SLC38A4: variants seen among roughly 807,000 people sequenced by gnomAD.
SLC38A4 encodes the protein solute carrier family 38 member 4, also known as sodium-coupled neutral amino acid transporter 4.
In SLC38A4, 20 loss-of-function variants were observed where a neutral mutation model predicts 63.1. That is an observed-to-expected ratio of 0.32 (90% confidence interval 0.22 to 0.46). The LOEUF (loss-of-function observed/expected upper bound fraction) is 0.46. Among genes scored for constraint, SLC38A4 ranks in the 20% least tolerant of loss-of-function variants. The pLI, the probability that SLC38A4 is intolerant of heterozygous loss-of-function variation, is 1.00. For synonymous variants in SLC38A4, 230 were observed against 225.5 expected (o/e 1.02, Z -0.18); for missense variants, 526 against 663.6 (o/e 0.79, Z 2.28).
rs76142795 is a variant in SLC38A4, at chr12:46,788,665, A to G, written c.120-47T>C. 4,910 of 1,481,470 alleles carry G rather than the reference A, an allele frequency of 3.3e-3. 138 individuals carry two copies. In the African/African-American group the frequency reaches 0.062, roughly 19 times the overall value. The allele number at this position is 1,481,470 out of a possible 1,614,324, so 91.8% of individuals were successfully genotyped here. A position where few individuals can be genotyped will look rare whatever the true frequency, so the allele number is the denominator to read the frequency against. ...TAAGAAAGTGAAAACATCTAAATAT[A>G]TGCTCTGAATCATATGTATGTTTCA... On this transcript the variant is annotated intron_variant, in intron 3 of 16. Transcript: ENST00000266579.
chr12:46,804,626 T>C (rs951753105), intron 1 of SLC38A4, among the ~76,000 whole-genome samples: 1 of 152,060 alleles, frequency 6.6e-6, no homozygotes, highest in Non-Finnish European at 1.5e-5. Flanking sequence ...TCGAGTAAGA[T>C]ATTCTTAAGT....
intron 2 of SLC38A4, among the ~76,000 whole-genome samples, chr12:46,802,704 A>C (rs1167620987): frequency 6.6e-6 from 1 of 152,014 alleles, no homozygotes; most frequent in East Asian, 1.9e-4. Context: ...CTTTGTCAAA[A>C]CTAAAACTTT....
upstream of SLC38A4, among the ~76,000 whole-genome samples, chr12:46,826,977 A>G (rs1360029035): frequency 6.6e-6 from 1 of 152,260 alleles, no homozygotes; most frequent in African/African-American, 2.4e-5. Flanking sequence ...TTCAACAAAC[A>G]TGTACCAGTG....
intron 2 of SLC38A4, among the ~76,000 whole-genome samples, chr12:46,794,143 T>A (rs908062218): frequency 1.2e-4 from 19 of 152,100 alleles, no homozygotes; most frequent in Non-Finnish European, 2.4e-4. Flanking sequence ...GCAGAGAAAC[T>A]AACATAAAAA....
intron 3 of SLC38A4, among the ~76,000 whole-genome samples, chr12:46,791,736 G>GT (rs761927676): frequency 6.6e-6 from 1 of 152,156 alleles, no homozygotes; most frequent in Non-Finnish European, 1.5e-5. Flanking sequence ...TAGTAGTGGC[G>GT]TAATTAACAT....
At chr12:46,798,302 G>C (rs1939058589) in intron 2 of SLC38A4, among the ~76,000 whole-genome samples, 2 of 152,038 alleles carry the variant, frequency 1.3e-5, no homozygotes, top group South Asian at 4.1e-4. Flanking sequence ...CACCTCTCTG[G>C]TCTCATCTCC....
chr12:46,827,728 T>C (rs534127896), upstream of SLC38A4, among the ~76,000 whole-genome samples: 5 of 152,274 alleles, frequency 3.3e-5, no homozygotes, highest in Admixed American at 3.3e-4. Flanking sequence ...AAATTTTATC[T>C]ATGCTAAAAT....
intron 1 of SLC38A4, among the ~76,000 whole-genome samples, chr12:46,813,826 G>A (rs973900291): frequency 1.3e-5 from 2 of 152,054 alleles, no homozygotes; most frequent in African/African-American, 4.8e-5. Context: ...CTACCTCACA[G>A]TGCTGTTATG....
In SLC38A4 at chr12:46,765,328, T is replaced by C. The variant is rs777667554; in HGVS notation, c.*1373A>G. 1.1e-5 allele frequency: 2 copies of C among 182,972 alleles called. No homozygotes were observed. The highest frequency in any genetic ancestry group is 2.4e-5 in the Non-Finnish European group (2 of 84,320). The allele number at this position is 182,972 out of a possible 1,614,324, so 11.3% of individuals were successfully genotyped here. On this transcript the variant is annotated 3_prime_UTR_variant, in exon 17 of 17. Coordinates refer to ENST00000266579, the MANE Select transcript of SLC38A4 (RefSeq NM_018018.5). ...GTGCATTTCTTCGTAGTGTTAGCACTTATACTTTTACAGAGAACCACTCAA... is the reference window on the plus strand; with the variant it reads ...GTGCATTTCTTCGTAGTGTTAGCACCTATACTTTTACAGAGAACCACTCAA...
chr12:46,779,011 TCCCA>T (rs1938586379), intron 10 of SLC38A4, among the ~76,000 whole-genome samples: 1 of 151,982 alleles, frequency 6.6e-6, no homozygotes, highest in African/African-American at 2.4e-5. Flanking sequence ...CAAGAATCCT[TCCCA>T]CCCTCTTTCA....
Position 46,766,624 on chromosome 12 carries a change from A to C in SLC38A4, c.*77T>G, listed in dbSNP as rs1458860526. 3.0e-6 allele frequency: 3 copies of C among 1,006,550 alleles called. No individual in the cohort carries two copies. The highest frequency in any genetic ancestry group is 5.1e-5 in the East Asian group (2 of 38,962). The allele number at this position is 1,006,550 out of a possible 1,614,324, so 62.4% of individuals were successfully genotyped here. On this transcript the variant is annotated 3_prime_UTR_variant, in exon 17 of 17. Coordinates refer to ENST00000266579, the MANE Select transcript of SLC38A4 (RefSeq NM_018018.5). Reference sequence around the variant, plus strand: ...GTTATTTCCTATGAATAACATTCCAATCAAGATAATTCAAATATCTTTTGG... The same window carrying C: ...GTTATTTCCTATGAATAACATTCCACTCAAGATAATTCAAATATCTTTTGG...
chr12:46,819,454 T>G (rs180723396), intron 1 of SLC38A4, among the ~76,000 whole-genome samples: 1 of 152,054 alleles, frequency 6.6e-6, no homozygotes, highest in Admixed American at 6.6e-5. Context: ...TCTGTACCAA[T>G]TATTAAATAC....
At position 46,778,650 on chromosome 12, in the gene SLC38A4, C is replaced by T; in HGVS notation, c.844G>A (p.Asp282Asn). 1 of 1,613,064 alleles carries T rather than the reference C, an allele frequency of 6.2e-7. No homozygotes were observed. Among genetic ancestry groups the T allele is most frequent in the Admixed American group, 1.7e-5 (1 of 59,848 alleles). Residue 282 changes from aspartate to asparagine, a missense_variant, in exon 11 of 17, where the codon GAT becomes AAT. Physicochemically the swap from Asp to Asn is conservative, Grantham distance 23. Transcript: ENST00000266579. ...GTGTAATCCATCATGAAGTTCACAT[C>T]AGAACTCTCAGAGTTGTTGGGTAAC... ...VMLPNNSESS[D>N]VNFMMDYTHR...
intron 14 of SLC38A4, among the ~76,000 whole-genome samples, chr12:46,773,597 A>T (rs1592175373): frequency 6.6e-6 from 1 of 152,224 alleles, no homozygotes; most frequent in South Asian, 2.1e-4. Context: ...TATTTCTCAC[A>T]TAGGGTAAGA....
chr12:46,812,291 C>G (rs1275546148), intron 1 of SLC38A4, among the ~76,000 whole-genome samples: 1 of 151,902 alleles, frequency 6.6e-6, no homozygotes, highest in Admixed American at 6.6e-5. Flanking sequence ...ATGGCATTTC[C>G]TTTGATGTTT....
chr12:46,801,997 G>C (rs1939140496), intron 2 of SLC38A4, among the ~76,000 whole-genome samples: 2 of 151,968 alleles, frequency 1.3e-5, no homozygotes, highest in African/African-American at 4.8e-5. Flanking sequence ...TAATATCTAG[G>C]AAGAACTAGA....
At chr12:46,769,450 G>C (rs528209614) in intron 14 of SLC38A4, 22 bp from the exon 15 acceptor site, 2 of 1,603,986 alleles carry the variant, frequency 1.2e-6, no homozygotes, top group South Asian at 1.1e-5. Flanking sequence ...AAGTTCAAAG[G>C]CAAGATCATT....
upstream of SLC38A4, among the ~76,000 whole-genome samples, chr12:46,829,457 A>C (rs554039280): frequency 0.033 from 4,756 of 142,436 alleles, 246 homozygotes; most frequent in African/African-American, 0.11. Flanking sequence ...AAAAAAAAAA[A>C]AAGGAGGGTT....
At chr12:46,811,836 G>C (rs1172411526) in intron 1 of SLC38A4, among the ~76,000 whole-genome samples, 1 of 151,536 alleles carries the variant, frequency 6.6e-6, no homozygotes, top group Non-Finnish European at 1.5e-5. Flanking sequence ...AAAAGCTTAG[G>C]TTCATGAAGT....
Sources: allele counts gnomAD v4.1 joint callset (sites outside exome capture counted in the v4.1 genomes callset), GRCh38; gene constraint gnomAD v4.1.1; transcripts MANE v1.5; gene names NCBI Gene and HGNC (gene_info 2026-07-23, HGNC 2026-07-21).